TACR3: variants seen among roughly 807,000 people sequenced by gnomAD.
The protein encoded by TACR3 is neuromedin-K receptor.
Under a neutral mutation model 35.0 loss-of-function variants are expected in TACR3, and 34 were observed. That is an observed-to-expected ratio of 0.97 (90% CI 0.74 to 1.30). The LOEUF is 1.30. TACR3 is among the 50% of genes most tolerant of loss of function. The probability of loss-of-function intolerance (pLI) is 0.00; values close to 1 mark genes in which losing one functional copy is unlikely to be tolerated. For synonymous variants in TACR3, 233 were observed against 221.1 expected (o/e 1.05, Z -0.48); for missense variants, 558 against 591.7 (o/e 0.94, Z 0.59).
Position 103,587,078 on chromosome 4 carries a change from A to C in TACR3, c.*2604T>G, listed in dbSNP as rs1217666763. On this transcript the variant is annotated 3_prime_UTR_variant, in exon 5 of 5. Coordinates refer to ENST00000304883, the MANE Select transcript of TACR3 (RefSeq NM_001059.3). ...TGGAAAGATTCATACTGAACTTTAG[A>C]AACAGAGGGTAGAGTAAATTTTGAA... The C allele has an allele frequency of 6.6e-6, 1 of 152,062 alleles. No individual in the cohort carries two copies. The highest frequency in any genetic ancestry group is 1.5e-5 in the Non-Finnish European group (1 of 68,004). The allele number at this position is 152,062 out of a possible 1,614,324, so 9.4% of individuals were successfully genotyped here.
At chr4:103,696,806 G>A (rs540429928) in intron 1 of TACR3, among the ~76,000 whole-genome samples, 29 of 152,186 alleles carry the variant, frequency 1.9e-4, no homozygotes, top group African/African-American at 7.0e-4. Flanking sequence ...TTCCATAACT[G>A]CATTTACATT....
Position 103,618,564 on chromosome 4 carries a change from C to CTTTTTTTTTTTTTTTTTTTTTTTTTTT in TACR3, c.889-26908_889-26882dup, listed in dbSNP as rs57837921. The stretch of plus-strand genomic sequence containing the variant: ...CTTAGGATTGCTTTGGTGACTTGGG[C>CTTTTTTTTTTTTTTTTTTTTTTTTTTT]TTTTTTTTTTTTTTTTTTTTTTTTT... On this transcript the variant is annotated intron_variant, in intron 3 of 4. Transcript: ENST00000304883. Among the ~76,000 whole-genome samples, 8 of 61,452 alleles carry CTTTTTTTTTTTTTTTTTTTTTTTTTTT rather than the reference C, an allele frequency of 1.3e-4. 1 individual carries two copies. The highest frequency in any genetic ancestry group is 4.5e-4 in the African/African-American group (5 of 11,020). 40.3% of individuals were successfully genotyped at this position (61,452 alleles called of 152,430 possible). A position where few individuals can be genotyped will look rare whatever the true frequency, so the allele number is the denominator to read the frequency against.
chr4:103,659,146 C>T (rs1364297307), intron 1 of TACR3, among the ~76,000 whole-genome samples: 1 of 152,172 alleles, frequency 6.6e-6, no homozygotes, highest in Non-Finnish European at 1.5e-5. Flanking sequence ...ACAGATGAAG[C>T]TTCTTAGCTC....
At chr4:103,672,252 G>A (rs1726074265) in intron 1 of TACR3, among the ~76,000 whole-genome samples, 1 of 152,030 alleles carries the variant, frequency 6.6e-6, no homozygotes, top group South Asian at 2.1e-4. Context: ...TGTTCTTAAT[G>A]CTATCTAAAA....
At chr4:103,646,301 G>C (rs72945373) in intron 3 of TACR3, among the ~76,000 whole-genome samples, 3,618 of 151,984 alleles carry the variant, frequency 0.024, 159 homozygotes, top group African/African-American at 0.083. Context: ...CATCTTTCCT[G>C]AATTTAGACA....
At chr4:103,637,829 C>A (rs905568600) in intron 3 of TACR3, among the ~76,000 whole-genome samples, 1 of 152,048 alleles carries the variant, frequency 6.6e-6, no homozygotes, top group Non-Finnish European at 1.5e-5. Flanking sequence ...GAGTGAACTC[C>A]CTTTCACAAT....
chr4:103,614,884 GTTTTTTTTTT>G lies in TACR3; in HGVS notation c.889-23211_889-23202del, dbSNP rs71580414. Among the ~76,000 whole-genome samples, 76 of 72,054 alleles carry G rather than the reference GTTTTTTTTTT, an allele frequency of 1.1e-3. No homozygotes were observed. The East Asian group carries it at 0.017, about 16-fold the overall frequency. 47.3% of individuals were successfully genotyped at this position (72,054 alleles called of 152,430 possible). ...TATAACCTAAGTTGATTATGAATGT[GTTTTTTTTTT>G]TTTTTTTTTTTTTTTTTTGAGACAG... On this transcript the variant is annotated intron_variant, in intron 3 of 4. Coordinates refer to ENST00000304883, the MANE Select transcript of TACR3 (RefSeq NM_001059.3).
intron 3 of TACR3, among the ~76,000 whole-genome samples, chr4:103,609,605 G>C (rs1319480155): frequency 1.3e-5 from 2 of 152,044 alleles, no homozygotes; most frequent in Non-Finnish European, 2.9e-5. Context: ...TCTTTGTAGT[G>C]AGAACATTCA....
At chr4:103,616,930 A>T (rs539782282) in intron 3 of TACR3, among the ~76,000 whole-genome samples, 2 of 152,334 alleles carry the variant, frequency 1.3e-5, no homozygotes, top group East Asian at 3.9e-4. Context: ...CCTGGTAAAC[A>T]GAGCAAGACC....
At chr4:103,704,778 T>A (rs1464376551) in intron 1 of TACR3, among the ~76,000 whole-genome samples, 2 of 152,126 alleles carry the variant, frequency 1.3e-5, no homozygotes, top group African/African-American at 4.8e-5. Context: ...GATAAGTTCT[T>A]ACCACTATCC....
intron 3 of TACR3, among the ~76,000 whole-genome samples, chr4:103,640,830 G>A (rs950669320): frequency 2.0e-5 from 3 of 151,754 alleles, no homozygotes; most frequent in South Asian, 4.1e-4. Flanking sequence ...TTCTTCCAGT[G>A]TGGCACAGGG....
At chr4:103,686,633 A>T (rs1560531195) in intron 1 of TACR3, among the ~76,000 whole-genome samples, 1 of 152,210 alleles carries the variant, frequency 6.6e-6, no homozygotes, top group Non-Finnish European at 1.5e-5. Flanking sequence ...ATTATAACAC[A>T]TGAAAGAGGA....
chr4:103,606,186 C>T (rs894080661), intron 3 of TACR3, among the ~76,000 whole-genome samples: 2 of 151,406 alleles, frequency 1.3e-5, no homozygotes, highest in Non-Finnish European at 2.9e-5. Flanking sequence ...TGGTCTATAT[C>T]TCTGTTTTGG....
intron 1 of TACR3, among the ~76,000 whole-genome samples, chr4:103,718,836 C>T (rs552474829): frequency 3.9e-5 from 6 of 152,172 alleles, no homozygotes; most frequent in African/African-American, 1.2e-4. Flanking sequence ...CTAAGTTTGC[C>T]CTACTTGGAA....
At chr4:103,600,122 T>C (rs972627794) in intron 3 of TACR3, among the ~76,000 whole-genome samples, 1 of 151,390 alleles carries the variant, frequency 6.6e-6, no homozygotes, top group African/African-American at 2.4e-5. Flanking sequence ...GATTATTACC[T>C]CAATTTCACA....
intron 1 of TACR3, among the ~76,000 whole-genome samples, chr4:103,676,275 T>G (rs1293074729): frequency 6.6e-6 from 1 of 152,222 alleles, no homozygotes; most frequent in Non-Finnish European, 1.5e-5. Context: ...GACTTCAGCA[T>G]GTATATAGAT....
At chr4:103,616,689 G>A (rs1370330413) in intron 3 of TACR3, among the ~76,000 whole-genome samples, 1 of 152,188 alleles carries the variant, frequency 6.6e-6, no homozygotes, top group Non-Finnish European at 1.5e-5. Context: ...GCTCACGCCT[G>A]TAATTTCAGA....
At chr4:103,689,520 C>T (rs749415074) in intron 1 of TACR3, among the ~76,000 whole-genome samples, 5 of 150,478 alleles carry the variant, frequency 3.3e-5, no homozygotes, top group African/African-American at 4.9e-5. Context: ...AATTCTGCAA[C>T]TGAAAAGTAT....
At chr4:103,663,446 A>G (rs1725875638) in intron 1 of TACR3, among the ~76,000 whole-genome samples, 1 of 152,180 alleles carries the variant, frequency 6.6e-6, no homozygotes. Context: ...GTGAGCAGAG[A>G]TCACATCACT....
Sources: allele counts gnomAD v4.1 joint callset (sites outside exome capture counted in the v4.1 genomes callset), GRCh38; gene constraint gnomAD v4.1.1; transcripts MANE v1.5; gene names NCBI Gene and HGNC (gene_info 2026-07-23, HGNC 2026-07-21).